Variants in GALNTL6 observed in about 807,000 individuals in gnomAD.
GALNTL6 encodes polypeptide N-acetylgalactosaminyltransferase-like 6.
In GALNTL6, 46 loss-of-function variants were observed where a neutral mutation model predicts 73.7. The observed-to-expected ratio is 0.62, with a 90% CI of 0.49 to 0.80. GALNTL6 has a LOEUF of 0.80. Ranked by LOEUF, GALNTL6 falls within the 30% of genes least tolerant of loss-of-function variation. GALNTL6 has a pLI of 0.00. For missense variants in GALNTL6, 604 were observed against 755.0 expected, an observed-to-expected ratio of 0.80 and a Z score of 2.34; for synonymous variants, 259 against 263.7, an observed-to-expected ratio of 0.98 and a Z score of 0.17.
intron 2 of GALNTL6, among the ~76,000 whole-genome samples, chr4:172,043,301 G>C (rs1042824078): frequency 1.3e-5 from 2 of 151,876 alleles, no homozygotes; most frequent in African/African-American, 4.8e-5. Flanking sequence ...TTTTGTGTGT[G>C]TGTTTTTATT....
At chr4:171,924,860 C>T (rs905769632) in intron 2 of GALNTL6, among the ~76,000 whole-genome samples, 1 of 152,082 alleles carries the variant, frequency 6.6e-6, no homozygotes, top group Non-Finnish European at 1.5e-5. Flanking sequence ...TCAGGTTGCA[C>T]CCACACTTGG....
At chr4:172,154,270 T>C (rs1443055718) in intron 2 of GALNTL6, among the ~76,000 whole-genome samples, 1 of 152,130 alleles carries the variant, frequency 6.6e-6, no homozygotes, top group African/African-American at 2.4e-5. Context: ...TTTGCTCTTG[T>C]TGCCCAGGCT....
At chr4:172,431,621 G>A (rs1195925304) in intron 5 of GALNTL6, among the ~76,000 whole-genome samples, 2 of 152,080 alleles carry the variant, frequency 1.3e-5, no homozygotes, top group African/African-American at 4.8e-5. Flanking sequence ...TTTAGAATGT[G>A]AATACCATAT....
At position 172,448,162 on chromosome 4, in the gene GALNTL6, A is replaced by G. The variant is rs540467617; in HGVS notation, c.553+99473A>G. Among the ~76,000 whole-genome samples, 31 of 152,300 alleles carry G rather than the reference A, an allele frequency of 2.0e-4. No homozygotes were observed. In the South Asian group the frequency reaches 6.4e-3, roughly 32 times the overall value. The stretch of plus-strand genomic sequence containing the variant: ...GCCAGCGCTACTGATTCTTCAATTC[A>G]TGAAGAGATCATTGGTTTAGCATAT... On this transcript the variant is annotated intron_variant, in intron 5 of 12. Transcript: ENST00000506823.
chr4:172,619,504 A>C (rs1192447160), intron 5 of GALNTL6, among the ~76,000 whole-genome samples: 7 of 152,218 alleles, frequency 4.6e-5, no homozygotes. Flanking sequence ...TTTTCAGAAC[A>C]ACAAACTAAT....
At chr4:172,257,996 C>T (rs1486350452) in intron 3 of GALNTL6, among the ~76,000 whole-genome samples, 1 of 151,208 alleles carries the variant, frequency 6.6e-6, no homozygotes, top group African/African-American at 2.4e-5. Flanking sequence ...AGATCCAGGC[C>T]GTGTGTAACA....
At chr4:172,413,662 T>G (rs1207762122) in intron 5 of GALNTL6, among the ~76,000 whole-genome samples, 1 of 151,856 alleles carries the variant, frequency 6.6e-6, no homozygotes, top group Non-Finnish European at 1.5e-5. Context: ...TTAGTTTTTT[T>G]TTTTTTTTTT....
chr4:172,449,586 G>A (rs1732140228), intron 5 of GALNTL6, among the ~76,000 whole-genome samples: 1 of 152,100 alleles, frequency 6.6e-6, no homozygotes, highest in Admixed American at 6.5e-5. Context: ...TTCTTCTCCA[G>A]GTTCCATAAA....
At chr4:172,380,086 G>C (rs369564771) in intron 5 of GALNTL6, 2 of 976,368 alleles carry the variant, frequency 2.0e-6, no homozygotes, top group South Asian at 2.6e-5. Context: ...TATGGCTTGG[G>C]CTTCGTTGGT....
chr4:172,739,790 A>C (rs1736695338), intron 5 of GALNTL6, among the ~76,000 whole-genome samples: 1 of 152,080 alleles, frequency 6.6e-6, no homozygotes, highest in Non-Finnish European at 1.5e-5. Flanking sequence ...AACAACATAG[A>C]GTCATAAGTT....
intron 2 of GALNTL6, among the ~76,000 whole-genome samples, chr4:171,965,984 G>A (rs1295236471): frequency 6.6e-6 from 1 of 152,152 alleles, no homozygotes; most frequent in African/African-American, 2.4e-5. Flanking sequence ...CTTTTAAAAA[G>A]CAATCTTGAG....
intron 2 of GALNTL6, among the ~76,000 whole-genome samples, chr4:171,852,375 C>T (rs1012441701): frequency 2.0e-5 from 3 of 151,774 alleles, no homozygotes; most frequent in Admixed American, 6.6e-5. Context: ...GTGGTGGTGG[C>T]CGTATTCAGG....
intron 5 of GALNTL6, among the ~76,000 whole-genome samples, chr4:172,395,975 A>G (rs1157558535): frequency 3.9e-5 from 6 of 152,184 alleles, no homozygotes; most frequent in Admixed American, 3.9e-4. Flanking sequence ...GGCTAAATCA[A>G]CGTGTACAGA....
intron 8 of GALNTL6, among the ~76,000 whole-genome samples, chr4:172,925,031 C>T (rs1275790545): frequency 6.6e-6 from 1 of 151,960 alleles, no homozygotes; most frequent in Non-Finnish European, 1.5e-5. Context: ...GCCACCACGC[C>T]CGGCTAATTT....
intron 12 of GALNTL6, among the ~76,000 whole-genome samples, chr4:173,028,490 A>G (rs1258360593): frequency 6.6e-6 from 1 of 152,074 alleles, no homozygotes; most frequent in African/African-American, 2.4e-5. Flanking sequence ...GTACTCCTAT[A>G]GCATTTTGTT....
At chr4:172,463,760 G>A (rs1248161548) in intron 5 of GALNTL6, among the ~76,000 whole-genome samples, 2 of 152,168 alleles carry the variant, frequency 1.3e-5, no homozygotes, top group Admixed American at 1.3e-4. Flanking sequence ...AATTAGAAAA[G>A]GCTTTTCTGA....
At chr4:172,342,782 G>T (rs1249892588) in intron 4 of GALNTL6, among the ~76,000 whole-genome samples, 1 of 152,182 alleles carries the variant, frequency 6.6e-6, no homozygotes, top group East Asian at 1.9e-4. Flanking sequence ...TTTGCCAAAT[G>T]TTTCTGACTC....
In GALNTL6 at chr4:172,684,291, C is replaced by A. The variant is rs1295971483; in HGVS notation, c.554-125070C>A. On this transcript the variant is annotated intron_variant, in intron 5 of 12. Transcript: ENST00000506823. ...CATCTACTTCATTCATTCATCCATT[C>A]ATTCATTCATGCATACATCTAGTTA... Among the ~76,000 whole-genome samples, 3 of 152,132 alleles carry A rather than the reference C, an allele frequency of 2.0e-5. No individual in the cohort carries two copies. The East Asian group carries it at 5.8e-4, about 29-fold the overall frequency.
intron 2 of GALNTL6, among the ~76,000 whole-genome samples, chr4:171,885,473 T>C (rs1174518704): frequency 6.6e-6 from 1 of 152,166 alleles, no homozygotes; most frequent in Admixed American, 6.5e-5. Context: ...TTCCCATAAG[T>C]ATTTTAATGC....
Sources: allele counts gnomAD v4.1 joint callset (sites outside exome capture counted in the v4.1 genomes callset), GRCh38; gene constraint gnomAD v4.1.1; transcripts MANE v1.5; gene names NCBI Gene and HGNC (gene_info 2026-07-23, HGNC 2026-07-21).